The following FILIP1L variants were observed in gnomAD, a reference collection of about 807,000 sequenced individuals.
FILIP1L encodes filamin A-interacting protein 1-like.
Under a neutral mutation model 96.6 loss-of-function variants are expected in FILIP1L, and 55 were observed. That is an observed-to-expected ratio of 0.57 (90% CI 0.46 to 0.71). FILIP1L has a LOEUF of 0.71. Among genes scored for constraint, FILIP1L ranks in the 30% least tolerant of loss-of-function variants. The probability of loss-of-function intolerance (pLI) is 0.00; values close to 1 mark genes in which losing one functional copy is unlikely to be tolerated. For missense variants in FILIP1L, 1,304 were observed against 1,321.2 expected (o/e 0.99, Z 0.20); for synonymous variants, 467 against 473.9 (o/e 0.99, Z 0.19).
chr3:99,965,314 A>G (rs888522817), intron 1 of FILIP1L, among the ~76,000 whole-genome samples: 3 of 152,138 alleles, frequency 2.0e-5, no homozygotes, highest in Non-Finnish European at 2.9e-5. Flanking sequence ...TTTATCAAGA[A>G]TGAAAGGTTG....
intron 1 of FILIP1L, among the ~76,000 whole-genome samples, chr3:99,970,416 A>G (rs1199776360): frequency 6.6e-6 from 1 of 152,232 alleles, no homozygotes; most frequent in Non-Finnish European, 1.5e-5. Flanking sequence ...TGTAAAGGAA[A>G]TGAATGTGGT....
intron 1 of FILIP1L, among the ~76,000 whole-genome samples, chr3:99,983,389 A>AATAAATATATAT (rs1302972402): frequency 5.4e-4 from 22 of 40,780 alleles, no homozygotes; most frequent in African/African-American, 1.8e-3. Flanking sequence ...TAAATAAATA[A>AATAAATATATAT]ATATATATAT....
intron 4 of FILIP1L, among the ~76,000 whole-genome samples, chr3:99,892,908 C>T (rs1017599150): frequency 4.4e-4 from 67 of 152,244 alleles, no homozygotes; most frequent in African/African-American, 1.6e-3. Flanking sequence ...AAATTCTAAG[C>T]GTACTATTGG....
At chr3:99,991,307 C>T (rs1320324237) in intron 1 of FILIP1L, among the ~76,000 whole-genome samples, 1 of 152,094 alleles carries the variant, frequency 6.6e-6, no homozygotes, top group Non-Finnish European at 1.5e-5. Context: ...GGGGCACACA[C>T]CCTTCCAAAA....
At chr3:99,874,752 T>A (rs1455004169) in intron 4 of FILIP1L, among the ~76,000 whole-genome samples, 1 of 152,246 alleles carries the variant, frequency 6.6e-6, no homozygotes, top group Non-Finnish European at 1.5e-5. Flanking sequence ...GAGTATTTTT[T>A]AAATGCTGTG....
intron 1 of FILIP1L, among the ~76,000 whole-genome samples, chr3:100,026,958 T>G (rs2064934714): frequency 6.6e-6 from 1 of 152,148 alleles, no homozygotes; most frequent in African/African-American, 2.4e-5. Flanking sequence ...GCAGCTACAT[T>G]GGCCTCCTGT....
At chr3:100,005,424 T>C (rs1020422889) in intron 1 of FILIP1L, among the ~76,000 whole-genome samples, 2 of 152,180 alleles carry the variant, frequency 1.3e-5, no homozygotes, top group Non-Finnish European at 2.9e-5. Flanking sequence ...TGGGTGCTTA[T>C]TAAAAATGTA....
At chr3:99,883,943 A>G (rs1705812423) in intron 4 of FILIP1L, among the ~76,000 whole-genome samples, 1 of 152,126 alleles carries the variant, frequency 6.6e-6, no homozygotes, top group Non-Finnish European at 1.5e-5. Flanking sequence ...GGAAAATCAC[A>G]CTCAGTGTTT....
chr3:99,974,538 C>T (rs1708913043), intron 1 of FILIP1L, among the ~76,000 whole-genome samples: 1 of 152,092 alleles, frequency 6.6e-6, no homozygotes, highest in East Asian at 1.9e-4. Flanking sequence ...GGAGAAACCC[C>T]GTCTCTACTA....
chr3:100,101,716 C>T (rs890082472), intron 1 of FILIP1L, among the ~76,000 whole-genome samples: 5 of 152,088 alleles, frequency 3.3e-5, no homozygotes, highest in East Asian at 1.9e-4. Flanking sequence ...GTGTGCTGCA[C>T]CCATTAACTC....
At chr3:99,870,167 T>C (rs1023092562) in intron 4 of FILIP1L, among the ~76,000 whole-genome samples, 1 of 152,200 alleles carries the variant, frequency 6.6e-6, no homozygotes, top group African/African-American at 2.4e-5. Context: ...TTGGGGTGGA[T>C]GACATTGTTC....
At chr3:99,967,979 G>T (rs781392202) in intron 1 of FILIP1L, among the ~76,000 whole-genome samples, 4 of 152,168 alleles carry the variant, frequency 2.6e-5, no homozygotes, top group African/African-American at 9.7e-5. Context: ...ATCTACTTGG[G>T]CAATCTCAAA....
intron 1 of FILIP1L, among the ~76,000 whole-genome samples, chr3:100,013,741 A>G (rs942372426): frequency 6.6e-6 from 1 of 152,168 alleles, no homozygotes; most frequent in Non-Finnish European, 1.5e-5. Context: ...GTACAATGCA[A>G]TGTTTGATGT....
chr3:100,034,713 T>G (rs1317415822), intron 1 of FILIP1L, among the ~76,000 whole-genome samples: 1 of 152,188 alleles, frequency 6.6e-6, no homozygotes, highest in East Asian at 1.9e-4. Context: ...AAAGTACACC[T>G]GCTTGAAATA....
At chr3:99,983,389 A>AATATGTATATATATATATATAT (rs1553702701) in intron 1 of FILIP1L, among the ~76,000 whole-genome samples, 2 of 40,786 alleles carry the variant, frequency 4.9e-5, no homozygotes, top group African/African-American at 1.0e-4. Flanking sequence ...TAAATAAATA[A>AATATGTATATATATATATATAT]ATATATATAT....
At chr3:100,000,286 C>G (rs889514767) in intron 1 of FILIP1L, among the ~76,000 whole-genome samples, 16 of 152,346 alleles carry the variant, frequency 1.1e-4, no homozygotes, top group African/African-American at 3.8e-4. Context: ...GGGGCCTCCT[C>G]TATCACCTTG....
At chr3:100,090,780 C>T (rs895580049) in intron 1 of FILIP1L, among the ~76,000 whole-genome samples, 1 of 152,202 alleles carries the variant, frequency 6.6e-6, no homozygotes, top group Non-Finnish European at 1.5e-5. Flanking sequence ...CCTAGGAGCT[C>T]TCTGCAGGTA....
intron 1 of FILIP1L, chr3:100,051,442 G>C (rs1191118347): frequency 6.6e-6 from 1 of 151,240 alleles, no homozygotes; most frequent in Non-Finnish European, 1.5e-5. Context: ...TGCCATGTTG[G>C]TGTGCTGCAC....
chr3:100,077,539 C>T (rs1316218667), intron 1 of FILIP1L, among the ~76,000 whole-genome samples: 1 of 152,150 alleles, frequency 6.6e-6, no homozygotes, highest in Non-Finnish European at 1.5e-5. Context: ...AGAAGAGTAA[C>T]ATTCCAGGTA....
Sources: gnomAD v4.1 joint callset for allele counts (sites outside exome capture counted in the v4.1 genomes callset) on GRCh38, gnomAD v4.1.1 for gene constraint, MANE v1.5 for transcripts, NCBI Gene and HGNC (gene_info 2026-07-23, HGNC 2026-07-21) for gene names.